Variants in TMEM268 observed in about 807,000 individuals in gnomAD.
TMEM268 encodes the protein transmembrane protein C9orf91.
A neutral mutation model predicts 39.1 loss-of-function variants in TMEM268; 24 were observed. The ratio of observed to expected loss-of-function variants is 0.61; its 90% CI spans 0.44 to 0.86. The LOEUF (loss-of-function observed/expected upper bound fraction) is 0.86. Among genes scored for constraint, TMEM268 ranks in the 40% least tolerant of loss-of-function variants. TMEM268 has a pLI of 0.00. For synonymous variants in TMEM268, 176 were observed against 173.5 expected (o/e 1.01, Z -0.12); for missense variants, 409 against 428.6 (o/e 0.95, Z 0.40).
At chr9:114,620,497 C>T (rs1002437056) in intron 2 of TMEM268, among the ~76,000 whole-genome samples, 44 of 152,144 alleles carry the variant, frequency 2.9e-4, no homozygotes, top group Non-Finnish European at 2.9e-5. Context: ...AATCCACTTG[C>T]CTCAGCCTCC....
chr9:114,626,780 C>T (rs1846179106), intron 3 of TMEM268, 119 bp from the exon 4 acceptor site: 1 of 668,852 alleles, frequency 1.5e-6, no homozygotes, highest in African/African-American at 1.8e-5. Flanking sequence ...CTCCAAGCTC[C>T]TCATTCTGCC....
intron 2 of TMEM268, among the ~76,000 whole-genome samples, chr9:114,621,854 A>G (rs1845958022): frequency 6.6e-6 from 1 of 152,198 alleles, no homozygotes; most frequent in South Asian, 2.1e-4. Context: ...GCAGGAGGCT[A>G]GTTTTCCTAA....
At chr9:114,606,159 C>T in the TMEM268 span, among the ~76,000 whole-genome samples, 45 of 152,198 alleles carry the variant, frequency 3.0e-4, no homozygotes, top group African/African-American at 1.0e-3. Context: ...TCTCCACAGC[C>T]GCTAGAGGGG....
chr9:114,612,303 CCTTGTG>C (rs1287351305), intron 1 of TMEM268, among the ~76,000 whole-genome samples: 4 of 152,142 alleles, frequency 2.6e-5, no homozygotes, highest in Non-Finnish European at 5.9e-5. Context: ...GGGGAGTTGA[CCTTGTG>C]CAAGATGGAT....
intron 5 of TMEM268, among the ~76,000 whole-genome samples, chr9:114,633,543 A>C (rs1846495667): frequency 6.6e-6 from 1 of 152,166 alleles, no homozygotes; most frequent in African/African-American, 2.4e-5. Flanking sequence ...CCTGGCTTCA[A>C]GAAATTCTCC....
chr9:114,640,890 T>G (rs1249448097), intron 8 of TMEM268, among the ~76,000 whole-genome samples: 1 of 152,092 alleles, frequency 6.6e-6, no homozygotes, highest in Non-Finnish European at 1.5e-5. Context: ...TCTTTTTTTT[T>G]TTCGAGAGGG....
the TMEM268 span, among the ~76,000 whole-genome samples, chr9:114,605,175 G>A: frequency 1.3e-5 from 2 of 152,192 alleles, no homozygotes; most frequent in African/African-American, 2.4e-5. Flanking sequence ...TCAGTCTTGC[G>A]TGTTCCTTGT....
At chr9:114,631,282 CAAAAAAAAAAAAA>C (rs3035421) in intron 5 of TMEM268, among the ~76,000 whole-genome samples, 6 of 130,128 alleles carry the variant, frequency 4.6e-5, no homozygotes, top group Admixed American at 7.9e-5. Context: ...CAGCCTGCCT[CAAAAAAAAAAAAA>C]AAAAAAAAAA....
intron 6 of TMEM268, among the ~76,000 whole-genome samples, chr9:114,636,657 C>T (rs1005200019): frequency 1.8e-4 from 27 of 152,192 alleles, no homozygotes; most frequent in African/African-American, 6.5e-4. Context: ...TCCACCACCA[C>T]ACCCAGCTAA....
At chr9:114,637,773 G>C (rs1846707081) in intron 7 of TMEM268, among the ~76,000 whole-genome samples, 1 of 152,190 alleles carries the variant, frequency 6.6e-6, no homozygotes, top group Non-Finnish European at 1.5e-5. Flanking sequence ...ACCGGCCTGT[G>C]GTCATGGAGC....
chr9:114,632,987 A>G (rs1405998913), intron 5 of TMEM268, among the ~76,000 whole-genome samples: 2 of 151,576 alleles, frequency 1.3e-5, no homozygotes, highest in Non-Finnish European at 2.9e-5. Flanking sequence ...CCCCCATCTC[A>G]TTTTATTTTT....
At chr9:114,626,134 A>G (rs1846150991) in intron 3 of TMEM268, among the ~76,000 whole-genome samples, 1 of 151,602 alleles carries the variant, frequency 6.6e-6, no homozygotes, top group Non-Finnish European at 1.5e-5. Context: ...ATTCTTTTTT[A>G]TTTTTATAAA....
chr9:114,637,418 G>A (rs1211832246), intron 7 of TMEM268, among the ~76,000 whole-genome samples: 1 of 151,462 alleles, frequency 6.6e-6, no homozygotes, highest in African/African-American at 2.4e-5. Context: ...TCAGCCTCCG[G>A]AGTAGCTGGA....
the TMEM268 span, among the ~76,000 whole-genome samples, chr9:114,604,503 C>T: frequency 6.9e-6 from 1 of 144,912 alleles, no homozygotes. Flanking sequence ...TCGCTTGAGC[C>T]TGGGAGTTGG....
intron 2 of TMEM268, 84 bp downstream of exon 2, chr9:114,617,385 A>C (rs1052578462): frequency 9.2e-5 from 98 of 1,070,356 alleles, no homozygotes; most frequent in Non-Finnish European, 1.3e-4. Context: ...CCTTTAGATA[A>C]GGTCAGGGGG....
intron 2 of TMEM268, 120 bp from the exon 3 acceptor site, chr9:114,624,230 C>T (rs1462008460): frequency 2.0e-6 from 3 of 1,480,612 alleles, no homozygotes; most frequent in Non-Finnish European, 1.8e-6. Flanking sequence ...GCCACCGTGT[C>T]CCTCCTTGTT....
chr9:114,634,193 A>T (rs970455228), intron 6 of TMEM268, among the ~76,000 whole-genome samples: 7 of 152,200 alleles, frequency 4.6e-5, no homozygotes, highest in African/African-American at 1.4e-4. Context: ...TCGGTTGGAC[A>T]CTGGCGACAT....
At chr9:114,620,766 G>T (rs1845915749) in intron 2 of TMEM268, among the ~76,000 whole-genome samples, 1 of 152,088 alleles carries the variant, frequency 6.6e-6, no homozygotes, top group Non-Finnish European at 1.5e-5. Flanking sequence ...CTTTGCAGTG[G>T]ATGTGTACGT....
chr9:114,637,983 T>C (rs763112164), intron 7 of TMEM268, among the ~76,000 whole-genome samples: 21 of 152,204 alleles, frequency 1.4e-4, no homozygotes, highest in Non-Finnish European at 2.4e-4. Context: ...TTGCAACATA[T>C]GGATAAAGAT....
Sources: gnomAD v4.1 joint callset for allele counts (sites outside exome capture counted in the v4.1 genomes callset) on GRCh38, gnomAD v4.1.1 for gene constraint, MANE v1.5 for transcripts, NCBI Gene and HGNC (gene_info 2026-07-23, HGNC 2026-07-21) for gene names.